The following BPIFA1 variants were observed in gnomAD, a reference collection of about 807,000 sequenced individuals.
BPIFA1 encodes the protein BPI fold-containing family A member 1.
BPIFA1 carries 24 observed loss-of-function variants against 25.1 expected under a neutral mutation model. That is an observed-to-expected ratio of 0.96 (90% confidence interval 0.69 to 1.35). BPIFA1 has a LOEUF of 1.35. Among genes scored for constraint, BPIFA1 ranks in the 40% most tolerant of loss-of-function variants. The pLI, the probability that BPIFA1 is intolerant of heterozygous loss-of-function variation, is 0.00. For synonymous variants in BPIFA1, 139 were observed against 131.8 expected (o/e 1.05, Z -0.37); for missense variants, 344 against 303.7 (o/e 1.13, Z -0.99).
In BPIFA1 at chr20:33,237,815, A is replaced by T. The variant is rs1297177786; in HGVS notation, c.104A>T (p.Asn35Ile). 4.4e-6 allele frequency: 7 copies of T among 1,601,614 alleles called. No homozygotes were observed. The East Asian group carries it at 1.6e-4, about 36-fold the overall frequency. Residue 35 changes from asparagine (N) to isoleucine (I), a missense_variant, in exon 2 of 9, where the codon AAT becomes ATT. Coordinates refer to ENST00000354297, the MANE Select transcript of BPIFA1 (RefSeq NM_130852.3). ...CCCCTGGACCAGACCCTGCCCTTGA[A>T]TGTGAATCCAGCCCTGCCCTTGAGT... The part of the protein sequence containing the change: ...PVPLDQTLPL[N>I]VNPALPLSPT...
At chr20:33,240,512 G>A in intron 5 of BPIFA1, 127 bp downstream of exon 5, 1 of 1,246,190 alleles carries the variant, frequency 8.0e-7, no homozygotes, top group Non-Finnish European at 1.1e-6. Context: ...AAATGGATGG[G>A]AAGGAGGGAG....
At position 33,242,050 on chromosome 20, in the gene BPIFA1, G is replaced by A. The variant is rs1979002180; in HGVS notation, c.667-6G>A. On this transcript the variant is annotated splice_polypyrimidine_tract_variant and splice_region_variant and intron_variant, in intron 6 of 8. Transcript: ENST00000354297. ...CTGCCTAACTCTCCTCTCTGCCCCT[G>A]GCCAGGTGTGCCCTCTGGTCAATGA... 6.2e-7 allele frequency: 1 copy of A among 1,613,794 alleles called. No homozygotes were observed. Among genetic ancestry groups the A allele is most frequent in the African/African-American group, 1.3e-5 (1 of 74,916 alleles).
chr20:33,238,289 ACCCTGAAGCAGC>A, intron 3 of BPIFA1, 75 bp downstream of exon 3: 1 of 846,204 alleles, frequency 1.2e-6, no homozygotes, highest in Non-Finnish European at 1.6e-6. Flanking sequence ...CCAGGCAGTG[ACCCTGAAGCAGC>A]GACCCTGAAG....
chr20:33,237,965 G>T, intron 2 of BPIFA1, 90 bp from the exon 3 acceptor site: 1 of 1,536,034 alleles, frequency 6.5e-7, no homozygotes, highest in Non-Finnish European at 8.8e-7. Flanking sequence ...ACCCTGCAAA[G>T]TGGGGAGGGA....
rs769945839 is a variant in BPIFA1, at chr20:33,238,131, T to C, written c.237T>C (p.Pro79=). The change falls in exon 3 of 9, where the codon CCT becomes CCC. Residue 79 remains proline (P), a synonymous_variant. Transcript: ENST00000354297. ...TTCCGCTCCTGGACATCCTGAAGCC[T>C]GGAGGAGGTACTTCTGGTGGCCTCC... is the stretch of plus-strand genomic sequence containing the variant. ...ENLPLLDILK[P]GGGTSGGLLG... is the part of the protein sequence containing the mutation. 1.2e-6 allele frequency: 2 copies of C among 1,613,834 alleles called. No homozygotes were observed. Among genetic ancestry groups the C allele is most frequent in the Non-Finnish European group, 1.7e-6 (2 of 1,179,932 alleles).
chr20:33,237,614 C>T, intron 1 of BPIFA1, 83 bp from the exon 2 acceptor site: 1 of 1,212,620 alleles, frequency 8.2e-7, no homozygotes. Context: ...GCAAACAACC[C>T]CACCCCCCAG....
chr20:33,236,109 C>T (rs1371645826), intron 1 of BPIFA1, 59 bp downstream of exon 1: 1 of 152,168 alleles, frequency 6.6e-6, no homozygotes, highest in African/African-American at 2.4e-5. Flanking sequence ...ATCTCAGGCT[C>T]CTGCCCTGTG....
At position 33,238,118 on chromosome 20, in the gene BPIFA1, A is replaced by G; in HGVS notation, c.224A>G (p.Asp75Gly). 1 of 1,613,914 alleles carries G rather than the reference A, an allele frequency of 6.2e-7. No individual in the cohort carries two copies. The highest frequency in any genetic ancestry group is 8.5e-7 in the Non-Finnish European group (1 of 1,179,950). Reference sequence around the variant, plus strand: ...ATTCTGGAAAACCTTCCGCTCCTGGACATCCTGAAGCCTGGAGGAGGTACT... The same window carrying G: ...ATTCTGGAAAACCTTCCGCTCCTGGGCATCCTGAAGCCTGGAGGAGGTACT... ...LGILENLPLL[D>G]ILKPGGGTSG... Residue 75 changes from aspartate to glycine, a missense_variant, in exon 3 of 9, where the codon GAC (aspartate) becomes GGC (glycine). By Grantham distance (94) the Asp-to-Gly change is moderately conservative. Coordinates refer to ENST00000354297, the MANE Select transcript of BPIFA1 (RefSeq NM_130852.3).
rs1305726524 is a variant in BPIFA1 at position 33,237,824 on chromosome 20, C to T, written c.113C>T (p.Pro38Leu). The change falls in exon 2 of 9, where the codon CCA becomes CTA. Residue 38 changes from proline (P) to leucine (L), a missense_variant. Transcript: ENST00000354297. ...LDQTLPLNVN[P>L]ALPLSPTGLA... ...CAGACCCTGCCCTTGAATGTGAATCCAGCCCTGCCCTTGAGTCCCACAGGT... is the reference window on the plus strand; with the variant it reads ...CAGACCCTGCCCTTGAATGTGAATCTAGCCCTGCCCTTGAGTCCCACAGGT... 2 of 1,598,758 alleles carry T rather than the reference C, an allele frequency of 1.3e-6. No individual in the cohort carries two copies. The highest frequency in any genetic ancestry group is 1.7e-6 in the Non-Finnish European group (2 of 1,173,132).
intron 1 of BPIFA1, 44 bp from the exon 2 acceptor site, chr20:33,237,653 T>C (rs1410617874): frequency 7.4e-7 from 1 of 1,356,610 alleles, no homozygotes; most frequent in Non-Finnish European, 9.6e-7. Flanking sequence ...GATAAATTCC[T>C]CTCTGATACC....
At chr20:33,239,715 G>A (rs1410581866) in intron 3 of BPIFA1, 88 bp from the exon 4 acceptor site, 1 of 1,300,842 alleles carries the variant, frequency 7.7e-7, no homozygotes, top group Non-Finnish European at 1.1e-6. Flanking sequence ...CTCTACCTCT[G>A]GGATGGGTAC....
Position 33,240,324 on chromosome 20 carries a change from C to T in BPIFA1, c.520C>T (p.His174Tyr). The change falls in exon 5 of 9, where the codon CAC becomes TAC. Residue 174 changes from histidine to tyrosine, a missense_variant. By Grantham distance (83) the His-to-Tyr change is moderately conservative (BLOSUM62 2). Coordinates refer to ENST00000354297, the MANE Select transcript of BPIFA1 (RefSeq NM_130852.3). ...TGTGAGAGATAAGCAGGAGAGGATC[C>T]ACCTGGTCCTTGGTGACTGCACCCA... The part of the protein sequence containing the change: ...LAVRDKQERI[H>Y]LVLGDCTHSP... 6.2e-7 allele frequency: 1 copy of T among 1,614,152 alleles called. No individual in the cohort carries two copies. The highest frequency in any genetic ancestry group is 8.5e-7 in the Non-Finnish European group (1 of 1,180,034).
chr20:33,239,609 C>T (rs1209690505), intron 3 of BPIFA1, among the ~76,000 whole-genome samples, 194 bp from the exon 4 acceptor site: 1 of 152,154 alleles, frequency 6.6e-6, no homozygotes, highest in Non-Finnish European at 1.5e-5. Flanking sequence ...AGATCTGTTC[C>T]AGGGCAGAGG....
chr20:33,241,992 C>A, intron 6 of BPIFA1, 64 bp from the exon 7 acceptor site: 2 of 1,446,884 alleles, frequency 1.4e-6, no homozygotes, highest in Non-Finnish European at 1.9e-6. Context: ...CAGAGAACCC[C>A]CACTAGGGAT....
intron 3 of BPIFA1, among the ~76,000 whole-genome samples, chr20:33,239,263 T>A (rs141838996): frequency 6.6e-6 from 1 of 152,188 alleles, no homozygotes; most frequent in Non-Finnish European, 1.5e-5. Flanking sequence ...TCAATTCCCA[T>A]GATAAACATT....
chr20:33,238,137 A>G lies in BPIFA1; in HGVS notation c.243A>G (p.Gly81=), dbSNP rs779807290. 5 of 1,613,862 alleles carry G rather than the reference A, an allele frequency of 3.1e-6. No individual in the cohort carries two copies. The Admixed American group carries it at 8.3e-5, about 27-fold the overall frequency. ...LPLLDILKPG[G]GTSGGLLGGL... ...TCCTGGACATCCTGAAGCCTGGAGG[A>G]GGTACTTCTGGTGGCCTCCTTGGGG... The change falls in exon 3 of 9, where the codon GGA becomes GGG. Residue 81 remains glycine (G), a synonymous_variant. Transcript: ENST00000354297.
intron 3 of BPIFA1, 56 bp from the exon 4 acceptor site, chr20:33,239,747 T>A: frequency 6.6e-7 from 1 of 1,512,914 alleles, no homozygotes; most frequent in Non-Finnish European, 9.2e-7. Context: ...AGATGGTTTC[T>A]GGGTTTGGAG....
intron 5 of BPIFA1, among the ~76,000 whole-genome samples, chr20:33,240,695 G>A (rs1978934954): frequency 7.4e-6 from 1 of 134,864 alleles, no homozygotes; most frequent in South Asian, 2.5e-4. Context: ...AGATAAAGTA[G>A]TACTTATTCC....
In BPIFA1 at chr20:33,239,806, A is replaced by T; in HGVS notation, c.324A>T (p.Ile108=). Residue 108 remains isoleucine (I), a synonymous_variant, in exon 4 of 9, where the codon ATA becomes ATT. Coordinates refer to ENST00000354297, the MANE Select transcript of BPIFA1 (RefSeq NM_130852.3). ...TCCAATATTACTCCCTGGACAGCAT[A>T]AAGGTCACTGACCCCCAGCTGCTGG... is the stretch of plus-strand genomic sequence containing the variant. ...VIPGLNNIID[I]KVTDPQLLEL... The T allele has an allele frequency of 6.2e-7, 1 of 1,613,848 alleles. No individual in the cohort carries two copies. The highest frequency in any genetic ancestry group is 8.5e-7 in the Non-Finnish European group (1 of 1,179,722).
Sources: allele counts gnomAD v4.1 joint callset (sites outside exome capture counted in the v4.1 genomes callset), GRCh38; gene constraint gnomAD v4.1.1; transcripts MANE v1.5; gene names NCBI Gene and HGNC (gene_info 2026-07-23, HGNC 2026-07-21).